The following SLC24A2 variants were observed in gnomAD, a reference collection of about 807,000 sequenced individuals.
SLC24A2 encodes the protein sodium/potassium/calcium exchanger 2.
SLC24A2 carries 36 observed loss-of-function variants against 62.0 expected under a neutral mutation model. The ratio of observed to expected loss-of-function variants is 0.58; its 90% CI spans 0.44 to 0.77. The LOEUF is 0.77. Ranked by LOEUF, SLC24A2 falls within the 30% of genes least tolerant of loss-of-function variation. SLC24A2 has a pLI of 0.00. For synonymous variants in SLC24A2, 358 were observed against 294.0 expected, an observed-to-expected ratio of 1.22 and a Z score of -2.23; for missense variants, 846 against 817.9, an observed-to-expected ratio of 1.03 and a Z score of -0.42.
At chr9:20,097,718 T>A in the SLC24A2 span, among the ~76,000 whole-genome samples, 1 of 121,398 alleles carries the variant, frequency 8.2e-6, no homozygotes, top group Non-Finnish European at 1.7e-5. Flanking sequence ...GAATCTTAAA[T>A]AATTTTTTTT....
At chr9:20,129,769 T>G in the SLC24A2 span, among the ~76,000 whole-genome samples, 575 of 152,114 alleles carry the variant, frequency 3.8e-3, 5 homozygotes, top group Middle Eastern at 3.4e-3. Context: ...TGCCAAGGAT[T>G]AGAGATGGGG....
At chr9:20,229,063 C>T in the SLC24A2 span, among the ~76,000 whole-genome samples, 1 of 152,126 alleles carries the variant, frequency 6.6e-6, no homozygotes, top group Non-Finnish European at 1.5e-5. Flanking sequence ...TCTTTTGCTG[C>T]CTTGTAACCC....
At chr9:20,052,266 A>G in the SLC24A2 span, among the ~76,000 whole-genome samples, 2 of 151,850 alleles carry the variant, frequency 1.3e-5, no homozygotes, top group African/African-American at 2.4e-5. Context: ...CAGAATCCCA[A>G]CTCCCCTTCT....
chr9:20,013,978 G>C, the SLC24A2 span, among the ~76,000 whole-genome samples: 2 of 152,170 alleles, frequency 1.3e-5, no homozygotes, highest in Non-Finnish European at 2.9e-5. Context: ...GGAGGCAGAG[G>C]TGGGAGAATC....
At chr9:19,719,176 G>A (rs1479565503) in intron 2 of SLC24A2, among the ~76,000 whole-genome samples, 2 of 152,108 alleles carry the variant, frequency 1.3e-5, no homozygotes, top group Admixed American at 1.3e-4. Context: ...CTAGCCTGGT[G>A]CTCATAGTCA....
the SLC24A2 span, among the ~76,000 whole-genome samples, chr9:20,211,697 C>A: frequency 6.6e-6 from 1 of 151,882 alleles, no homozygotes; most frequent in African/African-American, 2.4e-5. Context: ...ATTTTAGCAA[C>A]AATAACAAGA....
At chr9:19,757,759 G>A (rs2118838610) in intron 2 of SLC24A2, among the ~76,000 whole-genome samples, 1 of 152,258 alleles carries the variant, frequency 6.6e-6, no homozygotes, top group Non-Finnish European at 1.5e-5. Context: ...ATGTTGGGAG[G>A]TGGGGTCTAG....
chr9:20,014,709 A>G, the SLC24A2 span, among the ~76,000 whole-genome samples: 1 of 152,060 alleles, frequency 6.6e-6, no homozygotes, highest in African/African-American at 2.4e-5. Flanking sequence ...GAGGAGAATA[A>G]TGGTTACCAG....
At chr9:19,533,523 C>T (rs1180012006) in intron 8 of SLC24A2, among the ~76,000 whole-genome samples, 1 of 152,210 alleles carries the variant, frequency 6.6e-6, no homozygotes, top group African/African-American at 2.4e-5. Flanking sequence ...CTCAAGAGGG[C>T]TTTGTAGCTT....
the SLC24A2 span, among the ~76,000 whole-genome samples, chr9:20,133,163 T>TTAGCTTA: frequency 6.6e-6 from 1 of 152,120 alleles, no homozygotes; most frequent in Non-Finnish European, 1.5e-5. Flanking sequence ...CTTACAGACC[T>TTAGCTTA]CAGACTTGCT....
chr9:20,143,110 T>A, the SLC24A2 span, among the ~76,000 whole-genome samples: 1 of 152,340 alleles, frequency 6.6e-6, no homozygotes, highest in East Asian at 1.9e-4. Flanking sequence ...TCTAAAAATC[T>A]GTGATTTTTG....
intron 2 of SLC24A2, among the ~76,000 whole-genome samples, chr9:19,658,572 T>C (rs1426629484): frequency 2.0e-5 from 3 of 152,246 alleles, no homozygotes; most frequent in African/African-American, 7.2e-5. Flanking sequence ...GACACTCGGA[T>C]AAGTTAACAG....
chr9:19,953,444 C>G, the SLC24A2 span, among the ~76,000 whole-genome samples: 1 of 151,942 alleles, frequency 6.6e-6, no homozygotes, highest in Non-Finnish European at 1.5e-5. Context: ...ATCTAGTACT[C>G]TGCCTCTCAA....
intron 2 of SLC24A2, among the ~76,000 whole-genome samples, chr9:19,647,702 T>C (rs1818684277): frequency 6.6e-6 from 1 of 152,236 alleles, no homozygotes; most frequent in African/African-American, 2.4e-5. Context: ...GAGTACCCAG[T>C]TAATCCATTA....
the SLC24A2 span, among the ~76,000 whole-genome samples, chr9:20,100,281 G>C: frequency 1.3e-5 from 2 of 151,960 alleles, no homozygotes; most frequent in African/African-American, 2.4e-5. Flanking sequence ...GGCTGGTCTT[G>C]GACTTCCAGG....
chr9:20,121,720 C>T, the SLC24A2 span, among the ~76,000 whole-genome samples: 20 of 152,180 alleles, frequency 1.3e-4, no homozygotes, highest in African/African-American at 4.6e-4. Context: ...AAGAAAACAC[C>T]GATATCCAGA....
chr9:20,135,050 A>T, the SLC24A2 span, among the ~76,000 whole-genome samples: 1 of 152,196 alleles, frequency 6.6e-6, no homozygotes, highest in Admixed American at 6.5e-5. Context: ...TTAAGCAGAC[A>T]TCTTTTTAGA....
chr9:20,085,639 A>G, the SLC24A2 span, among the ~76,000 whole-genome samples: 2 of 152,246 alleles, frequency 1.3e-5, no homozygotes, highest in Non-Finnish European at 2.9e-5. Flanking sequence ...TCTCACTGTT[A>G]CAGCTAGTAA....
chr9:19,989,808 C>G, the SLC24A2 span, among the ~76,000 whole-genome samples: 1 of 152,304 alleles, frequency 6.6e-6, no homozygotes, highest in Admixed American at 6.5e-5. Flanking sequence ...AGTGCATGGG[C>G]TTTGTAACGA....
Sources: gnomAD v4.1 joint callset for allele counts (sites outside exome capture counted in the v4.1 genomes callset) on GRCh38, gnomAD v4.1.1 for gene constraint, MANE v1.5 for transcripts, NCBI Gene and HGNC (gene_info 2026-07-23, HGNC 2026-07-21) for gene names.